RIMKLB: variants seen among roughly 807,000 people sequenced by gnomAD.
RIMKLB encodes ribosomal modification protein rimK like family member B, also known as beta-citrylglutamate synthase B.
Under a neutral mutation model 32.0 loss-of-function variants are expected in RIMKLB, and 7 were observed. That is an observed-to-expected ratio of 0.22 (90% CI 0.12 to 0.41). RIMKLB has a LOEUF of 0.41. Among genes scored for constraint, RIMKLB ranks in the 10% least tolerant of loss-of-function variants. The pLI, the probability that RIMKLB is intolerant of heterozygous loss-of-function variation, is 1.00. For missense variants in RIMKLB, 289 were observed against 498.7 expected (o/e 0.58, Z 4.00); for synonymous variants, 172 against 185.1 (o/e 0.93, Z 0.57).
intron 2 of RIMKLB, among the ~76,000 whole-genome samples, chr12:8,722,921 T>C (rs959948955): frequency 1.3e-5 from 2 of 152,270 alleles, no homozygotes; most frequent in Non-Finnish European, 2.9e-5. Flanking sequence ...GGTCTTACTC[T>C]AGATAAGGCT....
Position 8,774,027 on chromosome 12 carries a change from G to GT in RIMKLB, c.*245dup, listed in dbSNP as rs779333760. ...TATAGAAAAATGTCAGGCTCTCATA[G>GT]TTACCCTTTTAAATTGCTAAAAAAT... On this transcript the variant is annotated 3_prime_UTR_variant, in exon 6 of 6. Transcript: ENST00000535829. 4 of 1,291,884 alleles carry GT rather than the reference G, an allele frequency of 3.1e-6. No homozygotes were observed. The highest frequency in any genetic ancestry group is 3.9e-6 in the Non-Finnish European group (4 of 1,021,058). The allele number at this position is 1,291,884 out of a possible 1,614,324, so 80.0% of individuals were successfully genotyped here.
At chr12:8,718,069 G>A (rs1046207423) in intron 2 of RIMKLB, among the ~76,000 whole-genome samples, 3 of 151,936 alleles carry the variant, frequency 2.0e-5, no homozygotes, top group Admixed American at 6.6e-5. Context: ...ACCATCTCCC[G>A]GTAGCAAGTG....
At chr12:8,760,246 A>T (rs1949405061) in intron 5 of RIMKLB, among the ~76,000 whole-genome samples, 1 of 152,176 alleles carries the variant, frequency 6.6e-6, no homozygotes, top group Admixed American at 6.5e-5. Flanking sequence ...TTCCAGTTTC[A>T]TCCATGTCCC....
intron 2 of RIMKLB, among the ~76,000 whole-genome samples, chr12:8,740,259 A>C (rs765979562): frequency 6.6e-6 from 1 of 152,236 alleles, no homozygotes; most frequent in Non-Finnish European, 1.5e-5. Flanking sequence ...AATAATACCA[A>C]CATGGTGAAT....
At chr12:8,763,043 C>A (rs1224552732) in intron 5 of RIMKLB, among the ~76,000 whole-genome samples, 1 of 152,218 alleles carries the variant, frequency 6.6e-6, no homozygotes, top group African/African-American at 2.4e-5. Flanking sequence ...GGTTGTCTGA[C>A]AGCCACAAGT....
chr12:8,740,623 A>G (rs1373121810), intron 2 of RIMKLB, among the ~76,000 whole-genome samples: 1 of 152,234 alleles, frequency 6.6e-6, no homozygotes, highest in African/African-American at 2.4e-5. Context: ...TACTTCACTT[A>G]AAATAATGGT....
chr12:8,687,850 C>T (rs763528054), intron 1 of RIMKLB, among the ~76,000 whole-genome samples: 2 of 148,420 alleles, frequency 1.3e-5, no homozygotes, highest in South Asian at 4.2e-4. Flanking sequence ...AAGCAGGTGA[C>T]CTGGGAGAGC....
chr12:8,718,697 G>GTA (rs1455162359), intron 2 of RIMKLB, among the ~76,000 whole-genome samples: 2 of 151,376 alleles, frequency 1.3e-5, no homozygotes, highest in African/African-American at 4.9e-5. Flanking sequence ...GTGTGTGTGT[G>GTA]TGTGTGTGTG....
chr12:8,753,747 A>G, intron 4 of RIMKLB, 143 bp from the exon 5 acceptor site: 1 of 648,858 alleles, frequency 1.5e-6, no homozygotes, highest in Non-Finnish European at 2.7e-6. Context: ...TTCACTGTTA[A>G]AACAGTTCTA....
chr12:8,777,215 C>CTTG, downstream of RIMKLB: 1 of 644,908 alleles, frequency 1.6e-6, no homozygotes, highest in Non-Finnish European at 1.8e-6. Flanking sequence ...TGCTTGCTTT[C>CTTG]TTTTTTTTTT....
At chr12:8,717,445 C>G (rs61919243) in intron 2 of RIMKLB, among the ~76,000 whole-genome samples, 1 of 150,810 alleles carries the variant, frequency 6.6e-6, no homozygotes, top group East Asian at 1.9e-4. Context: ...TTTTTTTTCC[C>G]TCATTGCCTC....
intron 2 of RIMKLB, among the ~76,000 whole-genome samples, chr12:8,727,773 C>A (rs762899769): frequency 6.6e-6 from 1 of 151,914 alleles, no homozygotes; most frequent in East Asian, 1.9e-4. Context: ...GTGGCGGGCA[C>A]CTGTAATCCC....
Position 8,745,020 on chromosome 12 carries a change from G to A in RIMKLB, c.176-4842G>A, listed in dbSNP as rs192005140. ...AGCCCCTCACCTGCCAACGGGCCCG[G>A]TGTGTGATGTTCCCCACCCTGTGTC... On this transcript the variant is annotated intron_variant, in intron 2 of 5. Coordinates refer to ENST00000535829, the MANE Select transcript of RIMKLB (RefSeq NM_001297776.2). Among the ~76,000 whole-genome samples, 569 of 151,980 alleles carry A rather than the reference G, an allele frequency of 3.7e-3. 3 individuals are homozygous for A. Among genetic ancestry groups the A allele is most frequent in the Non-Finnish European group, 5.6e-3 (381 of 68,030 alleles).
intron 5 of RIMKLB, among the ~76,000 whole-genome samples, chr12:8,768,566 A>G (rs1015876765): frequency 1.3e-5 from 2 of 152,192 alleles, no homozygotes; most frequent in African/African-American, 2.4e-5. Context: ...GCTTTATTTA[A>G]TGTATTGGGG....
intron 1 of RIMKLB, among the ~76,000 whole-genome samples, chr12:8,692,131 A>G (rs1310827912): frequency 1.3e-5 from 2 of 152,104 alleles, no homozygotes; most frequent in Non-Finnish European, 2.9e-5. Context: ...TATACTTCTA[A>G]GATCCTCCCA....
intron 1 of RIMKLB, among the ~76,000 whole-genome samples, chr12:8,711,341 A>G (rs937891194): frequency 4.6e-5 from 7 of 151,312 alleles, no homozygotes; most frequent in African/African-American, 9.8e-5. Flanking sequence ...TGAGGCTGCA[A>G]TGGGCTATGA....
At chr12:8,723,006 G>C (rs952896249) in intron 2 of RIMKLB, among the ~76,000 whole-genome samples, 1 of 152,184 alleles carries the variant, frequency 6.6e-6, no homozygotes, top group Non-Finnish European at 1.5e-5. Flanking sequence ...TCACCAATAA[G>C]GCTGCTTTGC....
chr12:8,722,727 TC>T (rs1041468550), intron 2 of RIMKLB, among the ~76,000 whole-genome samples: 21 of 152,372 alleles, frequency 1.4e-4, no homozygotes, highest in African/African-American at 5.1e-4. Context: ...GCCACCTTCA[TC>T]AATTATCTTA....
At chr12:8,692,123 T>C (rs1942750828) in intron 1 of RIMKLB, among the ~76,000 whole-genome samples, 1 of 152,198 alleles carries the variant, frequency 6.6e-6, no homozygotes. Flanking sequence ...CAGGTTGTTA[T>C]ACTTCTAAGA....
Sources: allele counts gnomAD v4.1 joint callset (sites outside exome capture counted in the v4.1 genomes callset), GRCh38; gene constraint gnomAD v4.1.1; transcripts MANE v1.5; gene names NCBI Gene and HGNC (gene_info 2026-07-23, HGNC 2026-07-21).